The following PTPN13 variants were observed in gnomAD, a reference collection of about 807,000 sequenced individuals.
PTPN13 encodes the protein protein tyrosine phosphatase non-receptor type 13, also known as tyrosine-protein phosphatase non-receptor type 13.
In PTPN13, 191 loss-of-function variants were observed where a neutral mutation model predicts 284.0. The ratio of observed to expected loss-of-function variants is 0.67; its 90% confidence interval spans 0.60 to 0.76. The LOEUF (loss-of-function observed/expected upper bound fraction) is 0.76, where lower values mean the gene tolerates loss of function less well. Among genes scored for constraint, PTPN13 ranks in the 30% least tolerant of loss-of-function variants. PTPN13 has a pLI of 0.00. For missense variants in PTPN13, 2,797 were observed against 2,939.9 expected (o/e 0.95, Z 1.12); for synonymous variants, 986 against 1,022.3 (o/e 0.96, Z 0.68).
At chr4:86,793,805 A>G (rs1742979038) in intron 40 of PTPN13, among the ~76,000 whole-genome samples, 1 of 152,204 alleles carries the variant, frequency 6.6e-6, no homozygotes, top group South Asian at 2.1e-4. Context: ...TTTGAAACCA[A>G]TGAGAACAAA....
intron 27 of PTPN13, among the ~76,000 whole-genome samples, chr4:86,767,224 G>A (rs562443136): frequency 7.4e-5 from 11 of 148,480 alleles, no homozygotes; most frequent in African/African-American, 2.2e-4. Flanking sequence ...GACTACAGGC[G>A]TGAGCCACCA....
Position 86,785,323 on chromosome 4 carries a change from A to T in PTPN13, c.6211A>T (p.Asn2071Tyr), listed in dbSNP as rs1337437161. 6.2e-7 allele frequency: 1 copy of T among 1,611,594 alleles called. No individual in the cohort carries two copies. Residue 2071 changes from asparagine to tyrosine, a missense_variant, in exon 39 of 48, where the codon AAT becomes TAT. By Grantham distance (143) the Asn-to-Tyr change is moderately radical. Transcript: ENST00000411767. The stretch of plus-strand genomic sequence containing the variant: ...GGATGTTGTGGATGAGGAAGCCCAG[A>T]ATCTTTTAAACGAAAATAATGCAGC... ...LLDVVDEEAQ[N>Y]LLNENNAAGY...
At chr4:86,751,380 G>A (rs1477840333) in intron 19 of PTPN13, among the ~76,000 whole-genome samples, 1 of 152,120 alleles carries the variant, frequency 6.6e-6, no homozygotes, top group East Asian at 1.9e-4. Context: ...AGTCTGGAGT[G>A]CAGAGATCAT....
intron 40 of PTPN13, among the ~76,000 whole-genome samples, chr4:86,788,401 G>A (rs1742237891): frequency 1.3e-5 from 2 of 152,028 alleles, no homozygotes; most frequent in South Asian, 4.1e-4. Flanking sequence ...TAAACAAATT[G>A]TATATTATTT....
intron 20 of PTPN13, among the ~76,000 whole-genome samples, chr4:86,754,881 A>T (rs1192942082): frequency 1.3e-5 from 2 of 152,034 alleles, no homozygotes; most frequent in Non-Finnish European, 2.9e-5. Flanking sequence ...CTTCATATAG[A>T]GGTATGCCTC....
At chr4:86,709,246 T>C (rs957392645) in intron 7 of PTPN13, among the ~76,000 whole-genome samples, 2 of 152,138 alleles carry the variant, frequency 1.3e-5, no homozygotes, top group African/African-American at 4.8e-5. Flanking sequence ...CGGACACTGA[T>C]GTTTCAGGAA....
chr4:86,670,146 T>C (rs1727574273), intron 2 of PTPN13, among the ~76,000 whole-genome samples: 1 of 148,262 alleles, frequency 6.7e-6, no homozygotes, highest in South Asian at 2.2e-4. Context: ...CAGTCCTTGG[T>C]CTTCATTTCT....
At chr4:86,662,432 A>G (rs1726607037) in intron 2 of PTPN13, among the ~76,000 whole-genome samples, 1 of 152,108 alleles carries the variant, frequency 6.6e-6, no homozygotes, top group Non-Finnish European at 1.5e-5. Context: ...CCCAAGTTCA[A>G]GTGATTCTCC....
rs1410203284 is a variant in PTPN13, at chr4:86,814,709, T to G, written c.*158T>G. On this transcript the variant is annotated 3_prime_UTR_variant, in exon 48 of 48. Coordinates refer to ENST00000411767, the MANE Select transcript of PTPN13 (RefSeq NM_080683.3). Reference sequence around the variant, plus strand: ...TATTCTTCTTGAAAATAAAAAATATTGAAATGCTGTATTTTTACAGCTACT... The same window carrying G: ...TATTCTTCTTGAAAATAAAAAATATGGAAATGCTGTATTTTTACAGCTACT... 1.8e-6 allele frequency: 1 copy of G among 568,152 alleles called. No homozygotes were observed. Among genetic ancestry groups the G allele is most frequent in the African/African-American group, 1.9e-5 (1 of 53,098 alleles). The allele number at this position is 568,152 out of a possible 1,614,324, so 35.2% of individuals were successfully genotyped here.
chr4:86,770,636 C>T (rs1330191631), intron 30 of PTPN13, among the ~76,000 whole-genome samples: 1 of 152,170 alleles, frequency 6.6e-6, no homozygotes. Flanking sequence ...TCTTGATGAG[C>T]GTATAAGTTG....
rs1285225282 is a variant in PTPN13, at chr4:86,644,750, C to T, written c.115+9379C>T. Among the ~76,000 whole-genome samples the T allele has an allele frequency of 2.0e-5, 3 of 152,146 alleles. No individual in the cohort carries two copies. The South Asian group carries it at 6.2e-4, about 32-fold the overall frequency. On this transcript the variant is annotated intron_variant, in intron 2 of 47. Transcript: ENST00000411767. ...CCAACAATATATAAAAATGATAGCA[C>T]CTCATGATCAAATGGATCCTAGGAA...
chr4:86,745,040 C>T lies in PTPN13; in HGVS notation c.2562C>T (p.Cys854=). The part of the protein sequence containing the change: ...HGFQTDNSKI[C]QYLLHLCSYQ... Reference sequence around the variant, plus strand: ...TCCAGACAGACAACAGTAAGATATGCCAGTACCTGCTGCACCTCTGCTCTT... The same window carrying T: ...TCCAGACAGACAACAGTAAGATATGTCAGTACCTGCTGCACCTCTGCTCTT... The change falls in exon 17 of 48, where the codon TGC becomes TGT. Residue 854 remains cysteine (C), a synonymous_variant. Coordinates refer to ENST00000411767, the MANE Select transcript of PTPN13 (RefSeq NM_080683.3). 1 of 1,608,438 alleles carries T rather than the reference C, an allele frequency of 6.2e-7. No homozygotes were observed. Among genetic ancestry groups the T allele is most frequent in the East Asian group, 2.2e-5 (1 of 44,728 alleles).
At chr4:86,597,822 T>C (rs371589422) in intron 1 of PTPN13, among the ~76,000 whole-genome samples, 1 of 151,896 alleles carries the variant, frequency 6.6e-6, no homozygotes, top group Admixed American at 6.5e-5. Flanking sequence ...AACCATAAAC[T>C]TCACATGTTT....
intron 35 of PTPN13, among the ~76,000 whole-genome samples, chr4:86,779,297 G>T (rs1224293807): frequency 2.0e-5 from 3 of 151,876 alleles, no homozygotes; most frequent in Non-Finnish European, 4.4e-5. Flanking sequence ...GGCGCCTGTA[G>T]TCCCAGCTAC....
intron 2 of PTPN13, among the ~76,000 whole-genome samples, chr4:86,642,669 G>A (rs563232446): frequency 6.6e-6 from 1 of 151,702 alleles, no homozygotes; most frequent in South Asian, 2.1e-4. Context: ...TGGCCAGGCT[G>A]GTCTTGAACT....
intron 46 of PTPN13, among the ~76,000 whole-genome samples, 180 bp downstream of exon 46, chr4:86,810,164 A>G (rs934256155): frequency 1.3e-5 from 2 of 152,232 alleles, no homozygotes; most frequent in African/African-American, 4.8e-5. Flanking sequence ...TCAAAACTAC[A>G]TAGACCGTGA....
In PTPN13 at chr4:86,626,114, T is replaced by TC. The variant is rs564545219; in HGVS notation, c.-5-9132dup. 7.2e-5 allele frequency among the ~76,000 whole-genome samples: 11 copies of TC among 152,182 alleles called. 1 individual carries two copies. In the South Asian group the frequency reaches 2.3e-3, roughly 32 times the overall value. ...AAGAACAAATGTGAAATTAGAGATTTCCCCCCTGGTTTTACTTTTCTCCTA... is the reference window on the plus strand; with the variant it reads ...AAGAACAAATGTGAAATTAGAGATTTCCCCCCCTGGTTTTACTTTTCTCCTA... On this transcript the variant is annotated intron_variant, in intron 1 of 47. Transcript: ENST00000411767.
intron 40 of PTPN13, among the ~76,000 whole-genome samples, chr4:86,790,968 C>G (rs1442291047): frequency 6.6e-6 from 1 of 152,068 alleles, no homozygotes; most frequent in Non-Finnish European, 1.5e-5. Context: ...ACTGAGGTGC[C>G]TGGTTCATCT....
intron 7 of PTPN13, among the ~76,000 whole-genome samples, chr4:86,716,159 G>T (rs1298320096): frequency 3.3e-5 from 5 of 152,220 alleles, no homozygotes; most frequent in Non-Finnish European, 7.3e-5. Context: ...TACATAGTGT[G>T]TGCTCTGAAA....
Sources: allele counts gnomAD v4.1 joint callset (sites outside exome capture counted in the v4.1 genomes callset), GRCh38; gene constraint gnomAD v4.1.1; transcripts MANE v1.5; gene names NCBI Gene and HGNC (gene_info 2026-07-23, HGNC 2026-07-21).